PARD3B: variants seen among roughly 807,000 people sequenced by gnomAD.
PARD3B encodes the protein par-3 family cell polarity regulator beta, also known as partitioning defective 3 homolog B.
A neutral mutation model predicts 130.2 loss-of-function variants in PARD3B; 103 were observed. That is an observed-to-expected ratio of 0.79 (90% CI 0.67 to 0.93). The LOEUF (loss-of-function observed/expected upper bound fraction) is 0.93, where lower values mean the gene tolerates loss of function less well. Ranked by LOEUF, PARD3B falls within the 40% of genes least tolerant of loss-of-function variation. PARD3B has a pLI of 0.00. For synonymous variants in PARD3B, 583 were observed against 553.2 expected, an observed-to-expected ratio of 1.05 and a Z score of -0.76; for missense variants, 1,609 against 1,499.2, an observed-to-expected ratio of 1.07 and a Z score of -1.21.
At chr2:205,452,086 A>G (rs947059283) in intron 20 of PARD3B, among the ~76,000 whole-genome samples, 3 of 152,234 alleles carry the variant, frequency 2.0e-5, no homozygotes, top group Admixed American at 2.0e-4. Context: ...GGATAGAAAA[A>G]GCATTAACAG....
At chr2:204,923,851 A>G (rs1213161893) in intron 2 of PARD3B, among the ~76,000 whole-genome samples, 3 of 152,086 alleles carry the variant, frequency 2.0e-5, no homozygotes, top group African/African-American at 4.8e-5. Context: ...TGATTCACAA[A>G]AAATTATAGT....
intron 1 of PARD3B, among the ~76,000 whole-genome samples, chr2:204,586,213 A>G (rs1290829156): frequency 6.6e-6 from 1 of 152,192 alleles, no homozygotes; most frequent in East Asian, 1.9e-4. Context: ...TTCCATCATA[A>G]ATGCATACCT....
rs112971097 is a variant in PARD3B, at chr2:204,745,472, G to A, written c.222+59190G>A. Among the ~76,000 whole-genome samples, 1,301 of 151,154 alleles carry A rather than the reference G, an allele frequency of 8.6e-3. 13 individuals are homozygous for A. The highest frequency in any genetic ancestry group is 0.029 in the African/African-American group (1,186 of 41,104). On this transcript the variant is annotated intron_variant, in intron 2 of 22. Transcript: ENST00000406610. ...GGCTGGAGTGCAACTGTGCGATCTC[G>A]GCTCACTGCAACCTCTACCTCCCGG...
chr2:204,550,498 G>C (rs1045779448), intron 1 of PARD3B, among the ~76,000 whole-genome samples: 2 of 151,484 alleles, frequency 1.3e-5, no homozygotes, highest in African/African-American at 4.8e-5. Flanking sequence ...TAGTAATGAG[G>C]ATGTATAGTG....
In PARD3B at chr2:205,249,767, A is replaced by G. The variant is rs113610573; in HGVS notation, c.2185+3945A>G. 2.0e-4 allele frequency among the ~76,000 whole-genome samples: 31 copies of G among 152,178 alleles called. 1 individual carries two copies. Among genetic ancestry groups the G allele is most frequent in the African/African-American group, 7.5e-4 (31 of 41,540 alleles). On this transcript the variant is annotated intron_variant, in intron 16 of 22. Coordinates refer to ENST00000406610, the MANE Select transcript of PARD3B (RefSeq NM_001302769.2). ...CCAAATATGAGAGACATTTAAGTCTATGGTATGGTGAGACCTGCCCGGAGA... is the reference window on the plus strand; with the variant it reads ...CCAAATATGAGAGACATTTAAGTCTGTGGTATGGTGAGACCTGCCCGGAGA...
intron 1 of PARD3B, among the ~76,000 whole-genome samples, chr2:204,575,303 G>A (rs1413332892): frequency 6.6e-6 from 1 of 152,184 alleles, no homozygotes; most frequent in Admixed American, 6.5e-5. Context: ...AATGGTTGGA[G>A]TGAACCTTTA....
At chr2:204,702,408 T>G (rs1289876407) in intron 2 of PARD3B, among the ~76,000 whole-genome samples, 4 of 152,154 alleles carry the variant, frequency 2.6e-5, no homozygotes, top group Non-Finnish European at 5.9e-5. Context: ...CAGCATCTGT[T>G]GCTTTTTGAC....
chr2:204,945,613 A>G (rs574435782), intron 2 of PARD3B, among the ~76,000 whole-genome samples: 1 of 152,328 alleles, frequency 6.6e-6, no homozygotes, highest in East Asian at 1.9e-4. Flanking sequence ...CTGCAAGCCT[A>G]GTTGAATGTT....
chr2:205,178,386 G>A (rs1161945515), intron 13 of PARD3B, among the ~76,000 whole-genome samples: 1 of 152,064 alleles, frequency 6.6e-6, no homozygotes, highest in Non-Finnish European at 1.5e-5. Context: ...CCAGGAGGCG[G>A]AGCTTGCAGT....
At chr2:205,004,378 A>AT (rs1052092048) in intron 3 of PARD3B, among the ~76,000 whole-genome samples, 6 of 152,070 alleles carry the variant, frequency 3.9e-5, no homozygotes, top group Non-Finnish European at 7.4e-5. Flanking sequence ...ACCAGGTATT[A>AT]TTTTTTTTAG....
At chr2:204,549,322 T>A (rs2030268873) in intron 1 of PARD3B, among the ~76,000 whole-genome samples, 2 of 152,166 alleles carry the variant, frequency 1.3e-5, no homozygotes, top group Admixed American at 1.3e-4. Context: ...AGCCTCCAAA[T>A]CCAATTTAGT....
At position 204,623,518 on chromosome 2, in the gene PARD3B, G is replaced by T. The variant is rs2034376492; in HGVS notation, c.121-62663G>T. Among the ~76,000 whole-genome samples the T allele has an allele frequency of 6.6e-6, 1 of 151,956 alleles. No homozygotes were observed. Among genetic ancestry groups the T allele is most frequent in the South Asian group, 2.1e-4 (1 of 4,822 alleles). On this transcript the variant is annotated intron_variant, in intron 1 of 22. Transcript: ENST00000406610. This position sits in a 1 kb window ranked among gnomAD's most constrained non-coding sequence, Gnocchi z 4.5. ...ATAATTTTGTCAATTAGAGTGTGTT[G>T]TGTAACTGAAATTATGCAGTCCATG...
In PARD3B at chr2:205,193,326, C is replaced by T. The variant is rs754254123; in HGVS notation, c.2140+6C>T. 3 of 1,583,728 alleles carry T rather than the reference C, an allele frequency of 1.9e-6. No homozygotes were observed. The highest frequency in any genetic ancestry group is 2.6e-6 in the Non-Finnish European group (3 of 1,152,428). On this transcript the variant is annotated splice_donor_region_variant and intron_variant, in intron 15 of 22. Transcript: ENST00000406610. ...CTCGAAGAGCATGGACCTTGGTAAGCAAGGGTGAGGTGACATCCAGGTCAG... is the reference window on the plus strand; with the variant it reads ...CTCGAAGAGCATGGACCTTGGTAAGTAAGGGTGAGGTGACATCCAGGTCAG...
intron 19 of PARD3B, among the ~76,000 whole-genome samples, chr2:205,432,123 C>T (rs1009081085): frequency 7.9e-5 from 12 of 152,128 alleles, no homozygotes; most frequent in Non-Finnish European, 1.5e-4. Context: ...GTCTTAATTA[C>T]AGAATTTTGT....
chr2:205,401,911 C>T (rs557858546), intron 19 of PARD3B, among the ~76,000 whole-genome samples: 3 of 152,286 alleles, frequency 2.0e-5, no homozygotes, highest in East Asian at 3.9e-4. Context: ...CTGACTTCAT[C>T]GTGTATGTAC....
rs1278697689 is a variant in PARD3B at position 205,217,890 on chromosome 2, A to ATTTTTTT, written c.2140+24571_2140+24572insTTTTTTT. On this transcript the variant is annotated intron_variant, in intron 15 of 22. Coordinates refer to ENST00000406610, the MANE Select transcript of PARD3B (RefSeq NM_001302769.2). ...TGTGTATATATATATATATATATAT[A>ATTTTTTT]TATATTTTTTTTTTTATTTTTTTGA... is the stretch of plus-strand genomic sequence containing the variant. Among the ~76,000 whole-genome samples the ATTTTTTT allele has an allele frequency of 1.4e-4, 6 of 42,078 alleles. 2 individuals are homozygous for ATTTTTTT. Among genetic ancestry groups the ATTTTTTT allele is most frequent in the East Asian group, 5.3e-3 (2 of 374 alleles). The allele number at this position is 42,078 out of a possible 152,430, so 27.6% of individuals were successfully genotyped here.
At chr2:205,035,017 C>T (rs1045503619) in intron 3 of PARD3B, among the ~76,000 whole-genome samples, 9 of 151,954 alleles carry the variant, frequency 5.9e-5, no homozygotes, top group East Asian at 1.9e-4. Flanking sequence ...TGCGCCACCA[C>T]GCCCGGCTGA....
chr2:205,603,464 A>G (rs976307147), intron 22 of PARD3B, among the ~76,000 whole-genome samples: 1 of 152,146 alleles, frequency 6.6e-6, no homozygotes, highest in African/African-American at 2.4e-5. Context: ...AAAGTCTCCT[A>G]CTATTATCAT....
intron 2 of PARD3B, among the ~76,000 whole-genome samples, chr2:204,829,823 C>A (rs981247666): frequency 2.0e-5 from 3 of 151,954 alleles, no homozygotes; most frequent in African/African-American, 7.3e-5. Context: ...CACGGTGAAA[C>A]CCCGTCTCTA....
Sources: allele counts gnomAD v4.1 joint callset (sites outside exome capture counted in the v4.1 genomes callset), GRCh38; gene constraint gnomAD v4.1.1; non-coding constraint Gnocchi (gnomAD v3.1); transcripts MANE v1.5; gene names NCBI Gene and HGNC (gene_info 2026-07-23, HGNC 2026-07-21).